Variants in RNF150 observed in about 807,000 individuals in gnomAD.
The protein encoded by RNF150 is ring finger protein 150.
A neutral mutation model predicts 39.3 loss-of-function variants in RNF150; 24 were observed. That is an observed-to-expected ratio of 0.61 (90% confidence interval 0.44 to 0.86). The LOEUF (loss-of-function observed/expected upper bound fraction) is 0.86, where lower values mean the gene tolerates loss of function less well. Ranked by LOEUF, RNF150 falls within the 40% of genes least tolerant of loss-of-function variation. RNF150 has a pLI of 0.00. For synonymous variants in RNF150, 255 were observed against 227.3 expected, an observed-to-expected ratio of 1.12 and a Z score of -1.10; for missense variants, 502 against 587.8, an observed-to-expected ratio of 0.85 and a Z score of 1.51.
At chr4:140,890,343 C>A (rs190687469) in intron 6 of RNF150, among the ~76,000 whole-genome samples, 1 of 152,096 alleles carries the variant, frequency 6.6e-6, no homozygotes, top group African/African-American at 2.4e-5. Flanking sequence ...ATAGTTTATT[C>A]GTCCTTTCCC....
intron 1 of RNF150, among the ~76,000 whole-genome samples, chr4:141,076,089 A>G (rs1737886376): frequency 6.6e-6 from 1 of 152,208 alleles, no homozygotes; most frequent in Non-Finnish European, 1.5e-5. Flanking sequence ...CATATCTTTT[A>G]TAACACTGCA....
chr4:140,957,116 G>A (rs1179772646), intron 2 of RNF150, among the ~76,000 whole-genome samples: 18 of 149,604 alleles, frequency 1.2e-4, no homozygotes, highest in African/African-American at 3.7e-4. Context: ...GAGTGAACAG[G>A]CAACCTACAA....
intron 1 of RNF150, among the ~76,000 whole-genome samples, chr4:141,175,699 T>C (rs1161592826): frequency 1.3e-5 from 2 of 152,210 alleles, no homozygotes; most frequent in Non-Finnish European, 2.9e-5. Context: ...TTAGGGCTAC[T>C]ATAACTGCGT....
chr4:141,102,656 G>C (rs545833872), intron 1 of RNF150, among the ~76,000 whole-genome samples: 1 of 152,068 alleles, frequency 6.6e-6, no homozygotes, highest in Non-Finnish European at 1.5e-5. Context: ...CATGATTATC[G>C]CAACAGATGA....
In RNF150 at chr4:140,863,841, T is replaced by G. The variant is rs1189835732; in HGVS notation, c.*4420A>C. On this transcript the variant is annotated 3_prime_UTR_variant, in exon 7 of 7. Coordinates refer to ENST00000515673, the MANE Select transcript of RNF150 (RefSeq NM_020724.2). ...TGAAAAGTTTTGATTTAAGGATTTTTTTTTAAGTCAGGGTGATACATTCAA... is the reference window on the plus strand; with the variant it reads ...TGAAAAGTTTTGATTTAAGGATTTTGTTTTAAGTCAGGGTGATACATTCAA... 4 of 152,106 alleles carry G rather than the reference T, an allele frequency of 2.6e-5. No homozygotes were observed. Among genetic ancestry groups the G allele is most frequent in the Non-Finnish European group, 5.9e-5 (4 of 68,024 alleles). The allele number at this position is 152,106 out of a possible 1,614,324, so 9.4% of individuals were successfully genotyped here.
At chr4:141,195,562 T>C (rs1178004077) in intron 1 of RNF150, among the ~76,000 whole-genome samples, 1 of 152,122 alleles carries the variant, frequency 6.6e-6, no homozygotes, top group African/African-American at 2.4e-5. Flanking sequence ...GATGTTGTTA[T>C]GGTAGAAAGC....
chr4:141,021,532 C>T (rs1299332779), intron 1 of RNF150, among the ~76,000 whole-genome samples: 2 of 152,166 alleles, frequency 1.3e-5, no homozygotes, highest in Non-Finnish European at 2.9e-5. Flanking sequence ...TGTGCCCCTC[C>T]ACTTAGCTGT....
At chr4:141,015,015 G>A (rs544457236) in intron 1 of RNF150, among the ~76,000 whole-genome samples, 6 of 152,096 alleles carry the variant, frequency 3.9e-5, no homozygotes, top group Non-Finnish European at 5.9e-5. Flanking sequence ...TAAGATAAGC[G>A]TCAATTTTCA....
chr4:141,072,910 A>G (rs1226664846), intron 1 of RNF150, among the ~76,000 whole-genome samples: 1 of 152,088 alleles, frequency 6.6e-6, no homozygotes, highest in Non-Finnish European at 1.5e-5. Flanking sequence ...TTGAATCACT[A>G]TGCTTTCTAC....
At chr4:141,028,646 G>A (rs1735811889) in intron 1 of RNF150, among the ~76,000 whole-genome samples, 1 of 152,118 alleles carries the variant, frequency 6.6e-6, no homozygotes, top group South Asian at 2.1e-4. Context: ...GTTAAATATT[G>A]ATTATGACTT....
At chr4:140,965,017 A>G (rs962622539) in intron 2 of RNF150, among the ~76,000 whole-genome samples, 16 of 152,136 alleles carry the variant, frequency 1.1e-4, no homozygotes, top group African/African-American at 3.6e-4. Context: ...GAAAAAAAAT[A>G]ATGTCAGCTC....
chr4:141,102,118 T>C (rs1344973494), intron 1 of RNF150, among the ~76,000 whole-genome samples: 4 of 152,174 alleles, frequency 2.6e-5, no homozygotes, highest in African/African-American at 9.7e-5. Context: ...CCATTATATA[T>C]GTGGTTTTTC....
intron 1 of RNF150, among the ~76,000 whole-genome samples, chr4:140,985,782 A>G (rs1733997806): frequency 6.6e-6 from 1 of 152,064 alleles, no homozygotes; most frequent in African/African-American, 2.4e-5. Flanking sequence ...GTTATATAAG[A>G]TATTTTAGTT....
At chr4:140,914,451 G>A (rs1434983776) in intron 5 of RNF150, among the ~76,000 whole-genome samples, 1 of 152,220 alleles carries the variant, frequency 6.6e-6, no homozygotes, top group African/African-American at 2.4e-5. Flanking sequence ...AAGTTAGCAT[G>A]GGAAACCCCT....
At chr4:140,872,439 T>C (rs1249796036) in intron 6 of RNF150, among the ~76,000 whole-genome samples, 1 of 152,200 alleles carries the variant, frequency 6.6e-6, no homozygotes, top group Non-Finnish European at 1.5e-5. Flanking sequence ...TTGTAAAACA[T>C]TGAGAGATTT....
intron 3 of RNF150, among the ~76,000 whole-genome samples, chr4:140,948,588 G>A (rs1259683535): frequency 6.6e-6 from 1 of 152,046 alleles, no homozygotes; most frequent in Non-Finnish European, 1.5e-5. Context: ...ATGAATTCGG[G>A]GCTCTGTGTT....
intron 5 of RNF150, among the ~76,000 whole-genome samples, chr4:140,924,144 C>A (rs1420164974): frequency 6.6e-6 from 1 of 152,026 alleles, no homozygotes; most frequent in African/African-American, 2.4e-5. Context: ...TTTACCAAAT[C>A]CAAAAGATGC....
chr4:141,046,580 T>G (rs1736584660), intron 1 of RNF150, among the ~76,000 whole-genome samples: 1 of 152,190 alleles, frequency 6.6e-6, no homozygotes, highest in African/African-American at 2.4e-5. Flanking sequence ...TGAGGAGTCC[T>G]TTTCAAACTG....
chr4:141,133,079 C>T lies in RNF150; in HGVS notation c.-271G>A. 2.6e-6 allele frequency: 1 copy of T among 389,282 alleles called. No homozygotes were observed. The highest frequency in any genetic ancestry group is 4.6e-6 in the Non-Finnish European group (1 of 215,260). The allele number at this position is 389,282 out of a possible 1,614,324, so 24.1% of individuals were successfully genotyped here. A position where few individuals can be genotyped will look rare whatever the true frequency, so the allele number is the denominator to read the frequency against. On this transcript the variant is annotated 5_prime_UTR_variant, in exon 1 of 7. Coordinates refer to ENST00000515673, the MANE Select transcript of RNF150 (RefSeq NM_020724.2). ...GCGCGGGAACAGAGGGCCCGCGGGGCTTGCGGAGGAGTCCTGCTGCCGAGC... is the reference window on the plus strand; with the variant it reads ...GCGCGGGAACAGAGGGCCCGCGGGGTTTGCGGAGGAGTCCTGCTGCCGAGC...
Sources: gnomAD v4.1 joint callset for allele counts (sites outside exome capture counted in the v4.1 genomes callset) on GRCh38, gnomAD v4.1.1 for gene constraint, MANE v1.5 for transcripts, NCBI Gene and HGNC (gene_info 2026-07-23, HGNC 2026-07-21) for gene names.